The following NTRK3 variants were observed in gnomAD, a reference collection of about 807,000 sequenced individuals.
The protein encoded by NTRK3 is neurotrophic receptor tyrosine kinase 3, also known as NT-3 growth factor receptor.
In NTRK3, 24 loss-of-function variants were observed where a neutral mutation model predicts 91.7. The ratio of observed to expected loss-of-function variants is 0.26; its 90% CI spans 0.19 to 0.37. NTRK3 has a LOEUF of 0.37. Ranked by LOEUF, NTRK3 falls within the 10% of genes least tolerant of loss-of-function variation. The pLI is 1.00. For synonymous variants in NTRK3, 483 were observed against 404.0 expected (o/e 1.20, Z -2.34); for missense variants, 880 against 1,068.9 (o/e 0.82, Z 2.46).
intron 3 of NTRK3, among the ~76,000 whole-genome samples, chr15:88,220,263 G>A (rs1342994244): frequency 1.3e-5 from 2 of 152,292 alleles, no homozygotes; most frequent in South Asian, 2.1e-4. Flanking sequence ...TTGGGGTTGT[G>A]GAGTCCCATG....
At chr15:87,863,895 G>C (rs2064589836) in exon 19 of NTRK3, 1 of 231,168 alleles carries the variant, frequency 4.3e-6, no homozygotes, top group Admixed American at 5.7e-5. Flanking sequence ...AATAAACAGG[G>C]CATCTATTAT....
At chr15:88,171,723 G>A (rs1166939507) in intron 5 of NTRK3, among the ~76,000 whole-genome samples, 2 of 152,238 alleles carry the variant, frequency 1.3e-5, no homozygotes, top group Non-Finnish European at 2.9e-5. Flanking sequence ...AGAATGCAAA[G>A]TGAAAGAGTT....
intron 13 of NTRK3, among the ~76,000 whole-genome samples, chr15:88,062,847 TTC>T (rs1358323758): frequency 5.3e-5 from 8 of 152,242 alleles, no homozygotes; most frequent in Non-Finnish European, 1.0e-4. Flanking sequence ...AGCCCTGGGT[TTC>T]TCTCTTCATA....
At position 88,056,966 on chromosome 15, in the gene NTRK3, C is replaced by G. The variant is rs544438611; in HGVS notation, c.1397-23921G>C. 2.0e-5 allele frequency among the ~76,000 whole-genome samples: 3 copies of G among 151,064 alleles called. No individual in the cohort carries two copies. In the South Asian group the frequency reaches 6.3e-4, roughly 32 times the overall value. On this transcript the variant is annotated intron_variant, in intron 13 of 18. Coordinates refer to ENST00000394480, the Ensembl canonical transcript of NTRK3. ...CGGGCGGATCACGAGGTCAGGAGAT[C>G]GAGACCATCCTCGCTAACACGGTGA...
chr15:87,953,547 G>A (rs929608752), intron 14 of NTRK3, among the ~76,000 whole-genome samples: 1 of 152,168 alleles, frequency 6.6e-6, no homozygotes, highest in South Asian at 2.1e-4. Context: ...ATAGAGAAGG[G>A]AGAAATCTTC....
At chr15:87,921,438 T>C (rs2067861347) in intron 17 of NTRK3, among the ~76,000 whole-genome samples, 1 of 152,192 alleles carries the variant, frequency 6.6e-6, no homozygotes, top group Non-Finnish European at 1.5e-5. Context: ...AGAACCAGTA[T>C]GCCTAGCTGC....
At chr15:87,957,150 G>C (rs570080894) in intron 14 of NTRK3, among the ~76,000 whole-genome samples, 1 of 149,724 alleles carries the variant, frequency 6.7e-6, no homozygotes, top group Admixed American at 6.7e-5. Context: ...CTGGTCCTCA[G>C]TTTCCTTAGC....
At chr15:88,146,903 T>A (rs924801477) in intron 6 of NTRK3, among the ~76,000 whole-genome samples, 3 of 152,170 alleles carry the variant, frequency 2.0e-5, no homozygotes, top group African/African-American at 7.2e-5. Context: ...CTCAGAATCC[T>A]CACCCATAAA....
chr15:87,932,942 G>A (rs2141951983), intron 16 of NTRK3, 70 bp downstream of exon 16: 1 of 1,524,906 alleles, frequency 6.6e-7, no homozygotes, highest in South Asian at 1.1e-5. Context: ...TATAATTTCT[G>A]GCTCCAGGGA....
intron 13 of NTRK3, among the ~76,000 whole-genome samples, chr15:88,074,399 T>G (rs568616062): frequency 3.5e-4 from 54 of 152,336 alleles, no homozygotes; most frequent in African/African-American, 1.3e-3. Flanking sequence ...AGCTGGTTTT[T>G]AAGTTTTATT....
At chr15:87,929,464 C>G (rs951135920) in intron 16 of NTRK3, 30 bp from the exon 17 acceptor site, 2 of 1,611,520 alleles carry the variant, frequency 1.2e-6, no homozygotes, top group Non-Finnish European at 8.5e-7. Flanking sequence ...AGAGAGGGGG[C>G]AGAGAGAAAT....
chr15:88,098,511 T>C (rs1227401170), intron 13 of NTRK3: 1 of 219,082 alleles, frequency 4.6e-6, no homozygotes, highest in Non-Finnish European at 9.2e-6. Context: ...GCAACCTGGG[T>C]GGGATGGAAA....
At chr15:88,022,900 A>G (rs898873699) in intron 14 of NTRK3, among the ~76,000 whole-genome samples, 7 of 152,234 alleles carry the variant, frequency 4.6e-5, no homozygotes, top group Non-Finnish European at 1.0e-4. Context: ...TGAGGCACAG[A>G]GCAGATGAGG....
chr15:88,251,462 A>G (rs2053363015), intron 3 of NTRK3, among the ~76,000 whole-genome samples: 1 of 152,186 alleles, frequency 6.6e-6, no homozygotes, highest in Non-Finnish European at 1.5e-5. Context: ...CCAAGGTGGG[A>G]TTCACATGAT....
exon 19 of NTRK3, chr15:87,876,773 C>A (rs1394558925): frequency 3.2e-6 from 2 of 624,282 alleles, no homozygotes; most frequent in Admixed American, 6.3e-5. Flanking sequence ...TTTTTTCTTT[C>A]TTTTTTTTTC....
intron 14 of NTRK3, among the ~76,000 whole-genome samples, chr15:88,026,443 G>C (rs760864319): frequency 1.3e-5 from 2 of 152,130 alleles, no homozygotes; most frequent in East Asian, 1.9e-4. Context: ...ACACTATAGA[G>C]ACAGTAGAAA....
At chr15:87,863,092 T>C in exon 19 of NTRK3, 1 of 231,114 alleles carries the variant, frequency 4.3e-6, no homozygotes, top group Non-Finnish European at 8.6e-6. Flanking sequence ...GAGCCTACTC[T>C]AAAGCATGCC....
rs2142018496 is a variant in NTRK3, at chr15:88,032,899, G to A, written c.1543C>T (p.Gln515Ter). ...CAGTTGTGTCCCTGACGGAAGTACT[G>A]GGGGTTCTCAATGACAGGGATGCGA... Residue 515 changes from glutamine (Q) to a stop codon, truncating the protein, a stop_gained, in exon 14 of 19, where the codon CAG becomes TAG. Coordinates refer to ENST00000394480, the Ensembl canonical transcript of NTRK3. LOFTEE classifies it high-confidence loss of function. 1 of 1,613,744 alleles carries A rather than the reference G, an allele frequency of 6.2e-7. No homozygotes were observed. Among genetic ancestry groups the A allele is most frequent in the Non-Finnish European group, 8.5e-7 (1 of 1,179,902 alleles).
At position 88,219,952 on chromosome 15, in the gene NTRK3, G is replaced by T. The variant is rs1559823; in HGVS notation, c.249-35653C>A. On this transcript the variant is annotated intron_variant, in intron 3 of 18. Transcript: ENST00000394480. ...CTTGCATCCAAACCCAGAAATGCCC[G>T]CACCCCCTCCTCTCTTGCTTCTGCT... is the stretch of plus-strand genomic sequence containing the variant. 1.9e-3 allele frequency among the ~76,000 whole-genome samples: 294 copies of T among 152,150 alleles called. 2 individuals carry two copies. The highest frequency in any genetic ancestry group is 6.2e-3 in the African/African-American group (259 of 41,462).
Sources: allele counts gnomAD v4.1 joint callset (sites outside exome capture counted in the v4.1 genomes callset), GRCh38; gene constraint gnomAD v4.1.1; transcripts MANE v1.5; gene names NCBI Gene and HGNC (gene_info 2026-07-23, HGNC 2026-07-21).